The following CCSER1 variants were observed in gnomAD, a reference collection of about 807,000 sequenced individuals.
CCSER1 encodes coiled-coil serine rich protein 1, also known as serine-rich coiled-coil domain-containing protein 1.
CCSER1 carries 41 observed loss-of-function variants against 82.0 expected under a neutral mutation model. The observed-to-expected ratio is 0.50, with a 90% CI of 0.39 to 0.65. CCSER1 has a LOEUF of 0.65. CCSER1 is among the 30% of genes least tolerant of loss of function. The pLI is 0.00. For synonymous variants in CCSER1, 414 were observed against 383.9 expected (o/e 1.08, Z -0.92); for missense variants, 1,119 against 1,064.2 (o/e 1.05, Z -0.72).
intron 10 of CCSER1, among the ~76,000 whole-genome samples, chr4:91,378,756 T>C (rs1033202398): frequency 6.6e-6 from 1 of 152,158 alleles, no homozygotes; most frequent in Non-Finnish European, 1.5e-5. Flanking sequence ...TTCTCCTGCC[T>C]TATTGCCCTG....
intron 1 of CCSER1, among the ~76,000 whole-genome samples, chr4:90,161,694 T>C (rs1431276573): frequency 2.0e-5 from 3 of 152,134 alleles, no homozygotes; most frequent in Non-Finnish European, 4.4e-5. Context: ...TTAATAATAA[T>C]AGGTAAAACG....
chr4:91,302,042 T>C (rs917629548), intron 10 of CCSER1, among the ~76,000 whole-genome samples: 5 of 151,834 alleles, frequency 3.3e-5, no homozygotes, highest in Admixed American at 6.6e-5. Flanking sequence ...CTGACACATA[T>C]TGCTTAATAA....
At chr4:90,986,736 G>A (rs1316301450) in intron 9 of CCSER1, among the ~76,000 whole-genome samples, 1 of 151,786 alleles carries the variant, frequency 6.6e-6, no homozygotes, top group African/African-American at 2.4e-5. Context: ...TTTGACATGA[G>A]AAGGTAGTTA....
chr4:90,332,239 T>C (rs1561044420), intron 3 of CCSER1, among the ~76,000 whole-genome samples: 1 of 151,926 alleles, frequency 6.6e-6, no homozygotes, highest in Admixed American at 6.6e-5. Flanking sequence ...TTTTATTTTA[T>C]TTTTTTGAGA....
At position 91,086,075 on chromosome 4, in the gene CCSER1, C is replaced by T. The variant is rs138669196; in HGVS notation, c.2217+81C>T. 345 of 817,298 alleles carry T rather than the reference C, an allele frequency of 4.2e-4. 3 individuals are homozygous for T. In the East Asian group the frequency reaches 8.6e-3, roughly 20 times the overall value. The allele number at this position is 817,298 out of a possible 1,614,324, so 50.6% of individuals were successfully genotyped here. On this transcript the variant is annotated intron_variant, in intron 10 of 10. Transcript: ENST00000509176. ...GCAGTGATGTGGTGATGGTGATTGA[C>T]GATAATTACGTTGATAATGGAAATG...
intron 10 of CCSER1, among the ~76,000 whole-genome samples, chr4:91,501,815 A>G (rs1428594787): frequency 6.6e-6 from 1 of 152,212 alleles, no homozygotes; most frequent in Non-Finnish European, 1.5e-5. Context: ...AGAAACATGA[A>G]ATGAAAAATT....
At chr4:91,311,391 C>T (rs899606046) in intron 10 of CCSER1, among the ~76,000 whole-genome samples, 1 of 151,876 alleles carries the variant, frequency 6.6e-6, no homozygotes, top group South Asian at 2.1e-4. Context: ...GTACTAGAGA[C>T]TTTTTGTTTT....
chr4:90,533,405 T>A (rs1193710468), intron 5 of CCSER1, among the ~76,000 whole-genome samples: 1 of 152,216 alleles, frequency 6.6e-6, no homozygotes, highest in African/African-American at 2.4e-5. Context: ...TCTCTCTGTT[T>A]TATCTGCTAT....
intron 9 of CCSER1, among the ~76,000 whole-genome samples, chr4:91,040,103 T>A (rs1741833810): frequency 6.6e-6 from 1 of 152,140 alleles, no homozygotes; most frequent in Non-Finnish European, 1.5e-5. Context: ...AATCAAGGCT[T>A]AAATAGCTAC....
intron 9 of CCSER1, among the ~76,000 whole-genome samples, chr4:91,035,874 T>C (rs1408431476): frequency 6.6e-6 from 1 of 152,188 alleles, no homozygotes; most frequent in Non-Finnish European, 1.5e-5. Context: ...GATTTAATAA[T>C]AAAAACATTT....
At chr4:90,878,254 C>T (rs186037594) in intron 8 of CCSER1, among the ~76,000 whole-genome samples, 2 of 152,270 alleles carry the variant, frequency 1.3e-5, no homozygotes, top group East Asian at 3.9e-4. Flanking sequence ...TACTCCATAA[C>T]CATGAGCCCC....
intron 4 of CCSER1, among the ~76,000 whole-genome samples, chr4:90,444,257 G>T (rs1486700144): frequency 6.6e-6 from 1 of 152,036 alleles, no homozygotes; most frequent in East Asian, 1.9e-4. Context: ...ACTATGGCCA[G>T]AGAGAGCATT....
intron 1 of CCSER1, among the ~76,000 whole-genome samples, chr4:90,131,967 C>A (rs1722898711): frequency 6.6e-6 from 1 of 152,036 alleles, no homozygotes; most frequent in South Asian, 2.1e-4. Context: ...CAATATGACA[C>A]CCCAGAAGTA....
At chr4:90,536,245 G>A (rs765573844) in intron 5 of CCSER1, among the ~76,000 whole-genome samples, 1 of 152,026 alleles carries the variant, frequency 6.6e-6, no homozygotes, top group Non-Finnish European at 1.5e-5. Context: ...TGTTAGCCAG[G>A]CTGGTCACGA....
chr4:91,482,129 G>A (rs958525399), intron 10 of CCSER1, among the ~76,000 whole-genome samples: 10 of 151,906 alleles, frequency 6.6e-5, no homozygotes, highest in Non-Finnish European at 1.2e-4. Context: ...CGGGCCGGGC[G>A]CGGTGGCTCA....
intron 3 of CCSER1, among the ~76,000 whole-genome samples, chr4:90,391,595 A>G (rs1751161641): frequency 6.7e-6 from 1 of 148,850 alleles, no homozygotes; most frequent in Non-Finnish European, 1.5e-5. Context: ...TAGCCATTTT[A>G]ACTAGAGTGA....
intron 10 of CCSER1, among the ~76,000 whole-genome samples, chr4:91,427,915 A>G (rs1754085699): frequency 1.6e-5 from 1 of 61,036 alleles, no homozygotes; most frequent in East Asian, 8.7e-4. Flanking sequence ...TATAAATACC[A>G]TGCTTAGTCC....
At chr4:91,079,456 G>A (rs1443394512) in intron 9 of CCSER1, among the ~76,000 whole-genome samples, 4 of 152,188 alleles carry the variant, frequency 2.6e-5, no homozygotes, top group Admixed American at 2.0e-4. Context: ...TCTGGTACCA[G>A]CCACTGCAAA....
chr4:91,154,053 T>G lies in CCSER1; in HGVS notation c.2217+68059T>G, dbSNP rs1374183742. 1.3e-5 allele frequency among the ~76,000 whole-genome samples: 2 copies of G among 151,976 alleles called. 1 individual carries two copies. Among genetic ancestry groups the G allele is most frequent in the Non-Finnish European group, 2.9e-5 (2 of 67,896 alleles). On this transcript the variant is annotated intron_variant, in intron 10 of 10. Transcript: ENST00000509176. ...CTTCAAAGCTGTCAGACTGGGACATTTAAGTCTGCAGAAGTTTCTGCTACC... is the reference window on the plus strand; with the variant it reads ...CTTCAAAGCTGTCAGACTGGGACATGTAAGTCTGCAGAAGTTTCTGCTACC...
Sources: gnomAD v4.1 joint callset for allele counts (sites outside exome capture counted in the v4.1 genomes callset) on GRCh38, gnomAD v4.1.1 for gene constraint, MANE v1.5 for transcripts, NCBI Gene and HGNC (gene_info 2026-07-23, HGNC 2026-07-21) for gene names.